TBC1D19: variants seen among roughly 807,000 people sequenced by gnomAD.
TBC1D19 encodes the protein TBC1 domain family, member 19.
In TBC1D19, 60 loss-of-function variants were observed where a neutral mutation model predicts 89.0. That is an observed-to-expected ratio of 0.67 (90% CI 0.55 to 0.84). The LOEUF (loss-of-function observed/expected upper bound fraction) is 0.84, where lower values mean the gene tolerates loss of function less well. Ranked by LOEUF, TBC1D19 falls within the 40% of genes least tolerant of loss-of-function variation. The pLI, the probability that TBC1D19 is intolerant of heterozygous loss-of-function variation, is 0.00. For synonymous variants in TBC1D19, 189 were observed against 199.7 expected, an observed-to-expected ratio of 0.95 and a Z score of 0.45; for missense variants, 500 against 610.8, an observed-to-expected ratio of 0.82 and a Z score of 1.91.
intron 15 of TBC1D19, among the ~76,000 whole-genome samples, chr4:26,734,217 G>C (rs1344836779): frequency 2.0e-5 from 3 of 152,174 alleles, no homozygotes; most frequent in Non-Finnish European, 4.4e-5. Context: ...GTAATGAGTT[G>C]CATTGGGAAT....
intron 13 of TBC1D19, among the ~76,000 whole-genome samples, chr4:26,698,526 T>C (rs566624363): frequency 6.6e-6 from 1 of 152,272 alleles, no homozygotes; most frequent in South Asian, 2.1e-4. Flanking sequence ...AAAGTTCATA[T>C]GGAACCAAAA....
upstream of TBC1D19, among the ~76,000 whole-genome samples, chr4:26,581,043 T>A (rs1445503172): frequency 6.6e-6 from 1 of 152,210 alleles, no homozygotes; most frequent in Non-Finnish European, 1.5e-5. Flanking sequence ...TGAGGAGATT[T>A]CCCTCTGCAT....
chr4:26,659,062 A>G lies in TBC1D19; in HGVS notation c.481-535A>G, dbSNP rs142261631. Reference sequence around the variant, plus strand: ...ATTTGACTTCCACTCTTCCTATTTGAATACCCTTTATTTCTTTCTCTTGCC... The same window carrying G: ...ATTTGACTTCCACTCTTCCTATTTGGATACCCTTTATTTCTTTCTCTTGCC... On this transcript the variant is annotated intron_variant, in intron 7 of 20. Transcript: ENST00000264866. Among the ~76,000 whole-genome samples, 733 of 152,252 alleles carry G rather than the reference A, an allele frequency of 4.8e-3. 8 individuals are homozygous for G. Among genetic ancestry groups the G allele is most frequent in the African/African-American group, 0.017 (692 of 41,540 alleles).
chr4:26,740,487 T>C (rs548936548), intron 17 of TBC1D19, among the ~76,000 whole-genome samples: 1 of 152,336 alleles, frequency 6.6e-6, no homozygotes, highest in Non-Finnish European at 1.5e-5. Context: ...TTTGGCTAAT[T>C]ATCAGTTATA....
rs546851838 is a variant in TBC1D19 at position 26,595,636 on chromosome 4, C to T, written c.99+11344C>T. Among the ~76,000 whole-genome samples, 5 of 152,028 alleles carry T rather than the reference C, an allele frequency of 3.3e-5. No individual in the cohort carries two copies. In the South Asian group the frequency reaches 1.0e-3, roughly 32 times the overall value. On this transcript the variant is annotated intron_variant, in intron 1 of 20. Coordinates refer to ENST00000264866, the MANE Select transcript of TBC1D19 (RefSeq NM_018317.4). ...CTAGATTCCATCTCTTGTCCCCCCA[C>T]TCCCACCACCCACCCTCTCTTTCTC...
At chr4:26,642,893 A>G (rs1743646208) in intron 7 of TBC1D19, among the ~76,000 whole-genome samples, 1 of 152,218 alleles carries the variant, frequency 6.6e-6, no homozygotes, top group Non-Finnish European at 1.5e-5. Context: ...TCCTAAATAT[A>G]TTTGCACCCA....
At chr4:26,645,235 C>T (rs892646053) in intron 7 of TBC1D19, among the ~76,000 whole-genome samples, 2 of 152,152 alleles carry the variant, frequency 1.3e-5, no homozygotes, top group Non-Finnish European at 2.9e-5. Context: ...GGAGGCATCA[C>T]GCTACCTGAC....
chr4:26,596,599 T>C (rs1056339360), intron 1 of TBC1D19, among the ~76,000 whole-genome samples: 1 of 138,926 alleles, frequency 7.2e-6, no homozygotes, highest in Non-Finnish European at 1.6e-5. Context: ...ATCAGTTCTT[T>C]ATTATTACTT....
intron 12 of TBC1D19, among the ~76,000 whole-genome samples, chr4:26,686,729 G>T (rs1713844739): frequency 6.6e-6 from 1 of 152,068 alleles, no homozygotes; most frequent in African/African-American, 2.4e-5. Flanking sequence ...CTCTACCTTT[G>T]TCTGGGTTGT....
the TBC1D19 span, among the ~76,000 whole-genome samples, chr4:26,848,487 T>C: frequency 6.6e-6 from 1 of 152,218 alleles, no homozygotes; most frequent in African/African-American, 2.4e-5. Context: ...ATTCAATAGA[T>C]TCTTCTTTTT....
intron 7 of TBC1D19, among the ~76,000 whole-genome samples, chr4:26,646,736 G>C (rs914419698): frequency 1.3e-5 from 2 of 152,128 alleles, no homozygotes; most frequent in East Asian, 3.9e-4. Context: ...CTCATAGGTG[G>C]GAATTGAATA....
intron 1 of TBC1D19, among the ~76,000 whole-genome samples, chr4:26,577,757 T>A (rs980917192): frequency 6.6e-6 from 1 of 152,212 alleles, no homozygotes; most frequent in Non-Finnish European, 1.5e-5. Flanking sequence ...CTAGGACTTA[T>A]GAGAGACTGC....
chr4:26,775,493 G>T, the TBC1D19 span, among the ~76,000 whole-genome samples: 1 of 152,134 alleles, frequency 6.6e-6, no homozygotes, highest in Non-Finnish European at 1.5e-5. Context: ...CAATATAATG[G>T]TATGGGAGGT....
chr4:26,686,651 G>T (rs1375231313), intron 12 of TBC1D19, among the ~76,000 whole-genome samples: 1 of 152,152 alleles, frequency 6.6e-6, no homozygotes, highest in African/African-American at 2.4e-5. Context: ...TGTAAAATTT[G>T]TTGACCTCCA....
chr4:26,773,578 C>A, the TBC1D19 span, among the ~76,000 whole-genome samples: 3 of 152,064 alleles, frequency 2.0e-5, no homozygotes, highest in African/African-American at 7.2e-5. Flanking sequence ...AGATTTTCTT[C>A]TAGGGTTTTT....
intron 7 of TBC1D19, among the ~76,000 whole-genome samples, chr4:26,643,921 G>A (rs2110085603): frequency 6.6e-6 from 1 of 152,258 alleles, no homozygotes; most frequent in African/African-American, 2.4e-5. Context: ...CTGAAATTGA[G>A]GCAATAATTA....
At chr4:26,695,953 G>A (rs1365631445) in intron 13 of TBC1D19, among the ~76,000 whole-genome samples, 1 of 152,066 alleles carries the variant, frequency 6.6e-6, no homozygotes, top group Non-Finnish European at 1.5e-5. Context: ...GCATCAACTA[G>A]CGAACAAAAT....
chr4:26,657,088 T>G (rs1034411196), intron 7 of TBC1D19, among the ~76,000 whole-genome samples: 2 of 150,950 alleles, frequency 1.3e-5, no homozygotes, highest in East Asian at 3.9e-4. Flanking sequence ...TTCATTTATT[T>G]ATTTATTTTT....
intron 7 of TBC1D19, among the ~76,000 whole-genome samples, chr4:26,650,813 C>A (rs1178566521): frequency 6.6e-6 from 1 of 152,114 alleles, no homozygotes; most frequent in Admixed American, 6.5e-5. Context: ...AATGGTATTA[C>A]CTAGGTTTTC....
Sources: gnomAD v4.1 joint callset for allele counts (sites outside exome capture counted in the v4.1 genomes callset) on GRCh38, gnomAD v4.1.1 for gene constraint, MANE v1.5 for transcripts, NCBI Gene and HGNC (gene_info 2026-07-23, HGNC 2026-07-21) for gene names.